ZBTB25: variants seen among roughly 807,000 people sequenced by gnomAD.
The protein encoded by ZBTB25 is zinc finger and BTB domain containing 25, also known as zinc finger and BTB domain-containing protein 25.
A neutral mutation model predicts 34.2 loss-of-function variants in ZBTB25; 20 were observed. The ratio of observed to expected loss-of-function variants is 0.58; its 90% confidence interval spans 0.41 to 0.85. The LOEUF is 0.85. Among genes scored for constraint, ZBTB25 ranks in the 40% least tolerant of loss-of-function variants. The pLI is 0.00. For missense variants in ZBTB25, 437 were observed against 521.8 expected (o/e 0.84, Z 1.58); for synonymous variants, 175 against 186.4 (o/e 0.94, Z 0.50).
intron 2 of ZBTB25, chr14:64,470,128 T>C (rs2078653011): frequency 6.0e-6 from 1 of 167,748 alleles, no homozygotes; most frequent in South Asian, 2.1e-4. Context: ...ATGTTTAAAA[T>C]GGTGAATAAG....
At chr14:64,463,976 A>G (rs1171957743) in intron 2 of ZBTB25, among the ~76,000 whole-genome samples, 1 of 152,116 alleles carries the variant, frequency 6.6e-6, no homozygotes, top group African/African-American at 2.4e-5. Flanking sequence ...CTAGCAACCC[A>G]TAGAGAGATA....
Position 64,503,280 on chromosome 14 carries a change from C to A in ZBTB25, c.-8+381G>T, listed in dbSNP as rs1015142967. 4.1e-6 allele frequency: 4 copies of A among 985,312 alleles called. No homozygotes were observed. In the African/African-American group the frequency reaches 7.0e-5, roughly 17 times the overall value. 61.0% of individuals were successfully genotyped at this position (985,312 alleles called of 1,614,324 possible). The stretch of plus-strand genomic sequence containing the variant: ...CGTCCTCCCAGCATCTGGAAAGTCG[C>A]CCGCTCGTAAGAGGGGTCGGCGCTA... On this transcript the variant is annotated intron_variant, in intron 1 of 2. Coordinates refer to ENST00000608382, the MANE Select transcript of ZBTB25 (RefSeq NM_006977.5).
intron 2 of ZBTB25, chr14:64,463,533 G>A (rs1306365037): frequency 6.6e-6 from 1 of 151,726 alleles, no homozygotes; most frequent in African/African-American, 2.4e-5. Flanking sequence ...GCTCACACCT[G>A]TAATCCTAGC....
chr14:64,489,104 C>T (rs906205476), intron 2 of ZBTB25, among the ~76,000 whole-genome samples: 2 of 151,736 alleles, frequency 1.3e-5, no homozygotes, highest in East Asian at 1.9e-4. Context: ...AAAAATTAGC[C>T]GGGTGTGGTG....
rs372491987 is a variant in ZBTB25, at chr14:64,483,979, T to C, written c.*2944A>G. On this transcript the variant is annotated 3_prime_UTR_variant, in exon 3 of 3. Transcript: ENST00000608382. ...AAAAAAAAAAAAAAAGCCTGCAGAA[T>C]AAATGAAAACAACAATAACAAAAAC... 1 of 71,382 alleles carries C rather than the reference T, an allele frequency of 1.4e-5. No homozygotes were observed. The highest frequency in any genetic ancestry group is 1.3e-4 in the Admixed American group (1 of 7,618). The allele number at this position is 71,382 out of a possible 1,614,324, so 4.4% of individuals were successfully genotyped here.
chr14:64,465,340 C>G (rs1346514169), intron 2 of ZBTB25, among the ~76,000 whole-genome samples: 1 of 151,958 alleles, frequency 6.6e-6, no homozygotes, highest in Non-Finnish European at 1.5e-5. Context: ...CCGCGGCAGG[C>G]AGGCAGGCTG....
rs1469416242 is a variant in ZBTB25 at position 64,484,098 on chromosome 14, C to T, written c.*2825G>A. 1 of 151,998 alleles carries T rather than the reference C, an allele frequency of 6.6e-6. No individual in the cohort carries two copies. Among genetic ancestry groups the T allele is most frequent in the Non-Finnish European group, 1.5e-5 (1 of 68,018 alleles). The allele number at this position is 151,998 out of a possible 1,614,324, so 9.4% of individuals were successfully genotyped here. A position where few individuals can be genotyped will look rare whatever the true frequency, so the allele number is the denominator to read the frequency against. The stretch of plus-strand genomic sequence containing the variant: ...AAATGAAGTTGATATTTTCCCACTT[C>T]CTAAACAGAATGAATGTTTTAAGGA... On this transcript the variant is annotated 3_prime_UTR_variant, in exon 3 of 3. Coordinates refer to ENST00000608382, the MANE Select transcript of ZBTB25 (RefSeq NM_006977.5).
intron 2 of ZBTB25, chr14:64,460,118 T>C (rs891218465): frequency 6.7e-6 from 4 of 592,842 alleles, no homozygotes; most frequent in Non-Finnish European, 8.9e-6. Context: ...CAAGTTGCAG[T>C]GTGCCCTTTA....
chr14:64,477,723 A>T (rs74058139), downstream of ZBTB25, among the ~76,000 whole-genome samples: 7,335 of 151,890 alleles, frequency 0.048, 204 homozygotes, highest in African/African-American at 0.059. Context: ...TCAAAAAAAA[A>T]TTTTTTTTTA....
chr14:64,469,073 A>AC, intron 2 of ZBTB25: 1 of 1,613,904 alleles, frequency 6.2e-7, no homozygotes, highest in Non-Finnish European at 8.5e-7. Context: ...TCAAACGGGA[A>AC]CTCTAATCCT....
chr14:64,468,355 G>C (rs779914423), intron 2 of ZBTB25: 24 of 1,525,218 alleles, frequency 1.6e-5, no homozygotes, highest in Non-Finnish European at 2.0e-5. Flanking sequence ...CTAAGGAAGA[G>C]AGAATACAGT....
intron 2 of ZBTB25, chr14:64,468,254 C>CT: frequency 1.4e-6 from 1 of 703,564 alleles, no homozygotes; most frequent in Admixed American, 3.5e-5. Context: ...CCTAAAACAA[C>CT]TGTATGGAGT....
chr14:64,493,654 C>T (rs2079166482), intron 1 of ZBTB25, among the ~76,000 whole-genome samples: 1 of 152,114 alleles, frequency 6.6e-6, no homozygotes, highest in African/African-American at 2.4e-5. Flanking sequence ...CATGACTTGT[C>T]ACCACAGAGA....
chr14:64,464,121 CCTT>C (rs1417800783), intron 2 of ZBTB25, among the ~76,000 whole-genome samples: 1 of 151,672 alleles, frequency 6.6e-6, no homozygotes, highest in Non-Finnish European at 1.5e-5. Context: ...GCAGCCTTGA[CCTT>C]CTGGGCCCAA....
chr14:64,503,101 G>T lies in ZBTB25; in HGVS notation c.-8+560C>A, dbSNP rs1303193290. ...TGATTACTCCAAATACTGAGTGCCA[G>T]AGAAGACGGTGATAAGATGGGTCAA... is the stretch of plus-strand genomic sequence containing the variant. On this transcript the variant is annotated intron_variant, in intron 1 of 2. Coordinates refer to ENST00000608382, the MANE Select transcript of ZBTB25 (RefSeq NM_006977.5). The T allele has an allele frequency of 7.1e-6, 7 of 985,372 alleles. No individual in the cohort carries two copies. In the East Asian group the frequency reaches 4.5e-4, roughly 64 times the overall value. The allele number at this position is 985,372 out of a possible 1,614,324, so 61.0% of individuals were successfully genotyped here. A position where few individuals can be genotyped will look rare whatever the true frequency, so the allele number is the denominator to read the frequency against.
chr14:64,496,649 C>T (rs552650011), intron 1 of ZBTB25, among the ~76,000 whole-genome samples: 1 of 152,168 alleles, frequency 6.6e-6, no homozygotes, highest in East Asian at 1.9e-4. Flanking sequence ...TTTTCAAAAA[C>T]AAGTGAGAAG....
intron 2 of ZBTB25, chr14:64,460,771 A>T (rs1208545143): frequency 6.6e-6 from 1 of 152,064 alleles, no homozygotes; most frequent in Non-Finnish European, 1.5e-5. Flanking sequence ...CATGCCTGTA[A>T]TCCCAGCACT....
chr14:64,468,936 A>T (rs1447871286), intron 2 of ZBTB25: 2 of 1,614,088 alleles, frequency 1.2e-6, no homozygotes, highest in Non-Finnish European at 1.7e-6. Context: ...TCAACCCAGG[A>T]TCTAAGTGAA....
intron 1 of ZBTB25, 93 bp from the exon 2 acceptor site, chr14:64,490,633 C>T: frequency 8.6e-7 from 1 of 1,168,856 alleles, no homozygotes; most frequent in Non-Finnish European, 1.2e-6. Context: ...TCACACAAAC[C>T]TACAGAGTAA....
Sources: allele counts gnomAD v4.1 joint callset (sites outside exome capture counted in the v4.1 genomes callset), GRCh38; gene constraint gnomAD v4.1.1; transcripts MANE v1.5; gene names NCBI Gene and HGNC (gene_info 2026-07-23, HGNC 2026-07-21).